The following SNTG1 variants were observed in gnomAD, a reference collection of about 807,000 sequenced individuals.
SNTG1 encodes gamma-1-syntrophin.
Under a neutral mutation model 74.7 loss-of-function variants are expected in SNTG1, and 39 were observed. The ratio of observed to expected loss-of-function variants is 0.52; its 90% confidence interval spans 0.40 to 0.68. SNTG1 has a LOEUF of 0.68. Among genes scored for constraint, SNTG1 ranks in the 30% least tolerant of loss-of-function variants. SNTG1 has a pLI of 0.00. For missense variants in SNTG1, 685 were observed against 609.5 expected (o/e 1.12, Z -1.30); for synonymous variants, 254 against 217.1 (o/e 1.17, Z -1.49).
chr8:50,787,097 A>T (rs544977378), intron 18 of SNTG1, among the ~76,000 whole-genome samples: 2 of 152,058 alleles, frequency 1.3e-5, no homozygotes, highest in South Asian at 4.1e-4. Flanking sequence ...TGTTAAGGAG[A>T]CTGTATGCAA....
intron 17 of SNTG1, among the ~76,000 whole-genome samples, chr8:50,736,567 C>T (rs2095529403): frequency 6.6e-6 from 1 of 152,022 alleles, no homozygotes. Context: ...AGCTCTGGAC[C>T]AAGTGGACCT....
chr8:50,697,669 C>A (rs750203476), intron 15 of SNTG1, among the ~76,000 whole-genome samples: 5 of 152,006 alleles, frequency 3.3e-5, no homozygotes, highest in African/African-American at 4.8e-5. Flanking sequence ...TTAAAAAATT[C>A]TTTTTCTGTG....
chr8:50,502,731 C>A, intron 8 of SNTG1, 47 bp from the exon 9 acceptor site: 1 of 1,460,794 alleles, frequency 6.8e-7, no homozygotes, highest in Non-Finnish European at 9.5e-7. Flanking sequence ...CATCATATAA[C>A]ATGATAAATG....
chr8:50,103,727 T>C (rs1433671901), intron 1 of SNTG1, among the ~76,000 whole-genome samples: 6 of 152,166 alleles, frequency 3.9e-5, no homozygotes, highest in Admixed American at 3.9e-4. Flanking sequence ...TATTTTGAGA[T>C]ACGTCCCATC....
At chr8:50,075,181 C>T (rs2131031877) in intron 1 of SNTG1, among the ~76,000 whole-genome samples, 1 of 152,288 alleles carries the variant, frequency 6.6e-6, no homozygotes, top group East Asian at 1.9e-4. Flanking sequence ...CCGGAGCCTC[C>T]CCAATGGGAG....
chr8:50,159,739 C>T (rs1205768789), intron 1 of SNTG1, among the ~76,000 whole-genome samples: 1 of 152,132 alleles, frequency 6.6e-6, no homozygotes, highest in Non-Finnish European at 1.5e-5. Flanking sequence ...TTATTCAGTA[C>T]CTGAGCCTAG....
At chr8:50,053,657 G>GTA (rs375828416) in intron 1 of SNTG1, among the ~76,000 whole-genome samples, 2,195 of 148,928 alleles carry the variant, frequency 0.015, 26 homozygotes, top group Middle Eastern at 0.04. Flanking sequence ...GTGTGTGTGT[G>GTA]TATAATCCAG....
intron 15 of SNTG1, among the ~76,000 whole-genome samples, chr8:50,669,927 C>T (rs1204826238): frequency 2.0e-5 from 3 of 152,090 alleles, no homozygotes; most frequent in Non-Finnish European, 4.4e-5. Context: ...AGAAACAGAA[C>T]CAAAGACAAA....
intron 4 of SNTG1, among the ~76,000 whole-genome samples, chr8:50,435,087 A>G (rs58504409): frequency 2.0e-5 from 3 of 152,102 alleles, no homozygotes; most frequent in Admixed American, 1.3e-4. Flanking sequence ...AGCAGGGATG[A>G]TAGTTATATT....
At chr8:50,040,260 C>G (rs1473094128) in intron 1 of SNTG1, among the ~76,000 whole-genome samples, 1 of 152,092 alleles carries the variant, frequency 6.6e-6, no homozygotes, top group African/African-American at 2.4e-5. Flanking sequence ...TTGCACCACA[C>G]ACTAAAACCT....
At chr8:50,776,226 T>C (rs1289314703) in intron 18 of SNTG1, among the ~76,000 whole-genome samples, 1 of 150,790 alleles carries the variant, frequency 6.6e-6, no homozygotes, top group Non-Finnish European at 1.5e-5. Flanking sequence ...AAATCAATTT[T>C]ATCCATAGCA....
At chr8:50,526,446 G>C (rs2094220292) in intron 9 of SNTG1, among the ~76,000 whole-genome samples, 1 of 152,038 alleles carries the variant, frequency 6.6e-6, no homozygotes, top group Admixed American at 6.6e-5. Context: ...TTGGCTTTGA[G>C]CTTACCTGGG....
chr8:50,444,663 T>A (rs1025069102), intron 5 of SNTG1, among the ~76,000 whole-genome samples: 1 of 149,928 alleles, frequency 6.7e-6, no homozygotes, highest in African/African-American at 2.5e-5. Context: ...GGCAGGAAAA[T>A]CGCTTGAACC....
intron 15 of SNTG1, among the ~76,000 whole-genome samples, chr8:50,690,896 G>A (rs1420730920): frequency 6.6e-6 from 1 of 152,116 alleles, no homozygotes; most frequent in Non-Finnish European, 1.5e-5. Flanking sequence ...TCTCTTTGTA[G>A]GTCACTCAGG....
intron 15 of SNTG1, among the ~76,000 whole-genome samples, chr8:50,671,322 A>T (rs1378261264): frequency 2.0e-5 from 3 of 151,922 alleles, no homozygotes; most frequent in Non-Finnish European, 2.9e-5. Context: ...TCCAGAATCT[A>T]CAATGAACTC....
chr8:50,125,397 T>C (rs750639526), intron 1 of SNTG1, among the ~76,000 whole-genome samples: 1 of 142,442 alleles, frequency 7.0e-6, no homozygotes, highest in Non-Finnish European at 1.6e-5. Context: ...TTGAAGAAGA[T>C]GGTTAATTTT....
intron 1 of SNTG1, among the ~76,000 whole-genome samples, chr8:50,092,511 A>G (rs935007906): frequency 6.6e-6 from 1 of 152,132 alleles, no homozygotes; most frequent in African/African-American, 2.4e-5. Flanking sequence ...CTTGGGTGGG[A>G]TTTGGCGCAC....
intron 2 of SNTG1, among the ~76,000 whole-genome samples, chr8:50,244,364 G>A (rs2086296370): frequency 6.6e-6 from 1 of 152,032 alleles, no homozygotes; most frequent in African/African-American, 2.4e-5. Flanking sequence ...TTAGTAAGTG[G>A]GGAGATTCTT....
chr8:50,116,349 C>A (rs1172238179), intron 1 of SNTG1, among the ~76,000 whole-genome samples: 1 of 152,138 alleles, frequency 6.6e-6, no homozygotes, highest in African/African-American at 2.4e-5. Flanking sequence ...TCAATTTCAG[C>A]ATAAAATTTG....
Sources: allele counts gnomAD v4.1 joint callset (sites outside exome capture counted in the v4.1 genomes callset), GRCh38; gene constraint gnomAD v4.1.1; transcripts MANE v1.5; gene names NCBI Gene and HGNC (gene_info 2026-07-23, HGNC 2026-07-21).